PCSK6: variants seen among roughly 807,000 people sequenced by gnomAD.
PCSK6 encodes proprotein convertase subtilisin/kexin type 6, also known as paired basic amino acid cleaving enzyme 4.
A neutral mutation model predicts 123.3 loss-of-function variants in PCSK6; 85 were observed. The observed-to-expected ratio is 0.69, with a 90% CI of 0.58 to 0.83. The LOEUF (loss-of-function observed/expected upper bound fraction) is 0.83. Among genes scored for constraint, PCSK6 ranks in the 40% least tolerant of loss-of-function variants. The pLI, the probability that PCSK6 is intolerant of heterozygous loss-of-function variation, is 0.00. For synonymous variants in PCSK6, 508 were observed against 516.0 expected, an observed-to-expected ratio of 0.98 and a Z score of 0.21; for missense variants, 1,191 against 1,282.3, an observed-to-expected ratio of 0.93 and a Z score of 1.09.
At chr15:101,309,884 C>A (rs562868027) in intron 20 of PCSK6, among the ~76,000 whole-genome samples, 2 of 151,918 alleles carry the variant, frequency 1.3e-5, no homozygotes, top group African/African-American at 2.4e-5. Flanking sequence ...CGTCGGGCCT[C>A]GGCCCCTCTC....
chr15:101,467,843 G>A (rs907273975), intron 1 of PCSK6, among the ~76,000 whole-genome samples: 14 of 152,106 alleles, frequency 9.2e-5, no homozygotes, highest in African/African-American at 1.4e-4. Context: ...GCACATCTAC[G>A]CCGGAGATAC....
chr15:101,476,574 AAAC>A (rs1424208894), intron 1 of PCSK6, among the ~76,000 whole-genome samples: 1 of 151,948 alleles, frequency 6.6e-6, no homozygotes, highest in Non-Finnish European at 1.5e-5. Flanking sequence ...AAAAAAAAAA[AAAC>A]AACAAAAATT....
intron 1 of PCSK6, among the ~76,000 whole-genome samples, chr15:101,443,929 C>A (rs981638648): frequency 6.6e-6 from 1 of 152,202 alleles, no homozygotes; most frequent in Admixed American, 6.5e-5. Flanking sequence ...AAATTAACAT[C>A]ATTTAAAGTT....
At chr15:101,370,915 G>A (rs1210650257) in intron 11 of PCSK6, among the ~76,000 whole-genome samples, 2 of 152,188 alleles carry the variant, frequency 1.3e-5, no homozygotes, top group Non-Finnish European at 2.9e-5. Flanking sequence ...TCTGGACGAT[G>A]GCCCTGTCTG....
intron 18 of PCSK6, among the ~76,000 whole-genome samples, chr15:101,318,654 G>A (rs1194474268): frequency 2.6e-5 from 4 of 152,208 alleles, no homozygotes; most frequent in Non-Finnish European, 5.9e-5. Context: ...GGCAGCAGGC[G>A]CCAGGCTCCG....
chr15:101,410,784 C>T (rs1371142769), intron 6 of PCSK6, among the ~76,000 whole-genome samples: 8 of 152,220 alleles, frequency 5.3e-5, no homozygotes, highest in Admixed American at 2.0e-4. Context: ...CAAGCCTCTG[C>T]GCTGCCTCTT....
At chr15:101,373,983 G>A (rs1189630842) in intron 11 of PCSK6, among the ~76,000 whole-genome samples, 1 of 152,214 alleles carries the variant, frequency 6.6e-6, no homozygotes, top group African/African-American at 2.4e-5. Context: ...TGTACATAAA[G>A]CCATCTTCCG....
chr15:101,451,045 A>C (rs1342276428), intron 1 of PCSK6, among the ~76,000 whole-genome samples: 1 of 151,248 alleles, frequency 6.6e-6, no homozygotes, highest in African/African-American at 2.4e-5. Context: ...CACGAGGGGA[A>C]AGGCCTGGCT....
intron 1 of PCSK6, among the ~76,000 whole-genome samples, chr15:101,473,549 T>A (rs2057655645): frequency 6.6e-6 from 1 of 152,146 alleles, no homozygotes; most frequent in Non-Finnish European, 1.5e-5. Flanking sequence ...TCCTAGAAAG[T>A]ACTAATGAGT....
In PCSK6 at chr15:101,367,971, C is replaced by T. The variant is rs1429535042; in HGVS notation, c.1722-1639G>A. Among the ~76,000 whole-genome samples the T allele has an allele frequency of 3.3e-5, 5 of 152,184 alleles. No individual in the cohort carries two copies. In the East Asian group the frequency reaches 5.8e-4, roughly 18 times the overall value. Reference sequence around the variant, plus strand: ...TCCCAAGTAGCTGGGATCACAGGTGCGTGCCACCACGCCCAGCTAATTTTT... The same window carrying T: ...TCCCAAGTAGCTGGGATCACAGGTGTGTGCCACCACGCCCAGCTAATTTTT... On this transcript the variant is annotated intron_variant, in intron 12 of 21. Coordinates refer to ENST00000611716, the MANE Select transcript of PCSK6 (RefSeq NM_002570.5).
intron 11 of PCSK6, among the ~76,000 whole-genome samples, chr15:101,371,717 A>G (rs544668273): frequency 6.6e-6 from 1 of 151,418 alleles, no homozygotes; most frequent in Admixed American, 6.6e-5. Flanking sequence ...TCCAGGCCTC[A>G]CTGCCTCCGC....
intron 13 of PCSK6, chr15:101,346,740 A>G (rs1018099463): frequency 7.3e-6 from 9 of 1,226,184 alleles, no homozygotes; most frequent in Non-Finnish European, 9.1e-6. Context: ...TTTCATTTTC[A>G]TCAATGTTTA....
chr15:101,397,198 A>G (rs2042438751), intron 7 of PCSK6, among the ~76,000 whole-genome samples: 1 of 152,136 alleles, frequency 6.6e-6, no homozygotes, highest in Admixed American at 6.5e-5. Context: ...GAGGAAATTA[A>G]CAGATGGTGA....
rs1271605361 is a variant in PCSK6, at chr15:101,489,493, C to T, written c.178G>A (p.Ala60Thr). ...GGGCGCGGCGGGGGCGCGGAGCAGGCGGCAGGCAGCGCCAGCAGCAGCAGC... is the reference window on the plus strand; with the variant it reads ...GGGCGCGGCGGGGGCGCGGAGCAGGTGGCAGGCAGCGCCAGCAGCAGCAGC... ...RWLLLLALPA[A>T]CSAPPPRPVY... is the part of the protein sequence containing the mutation. Residue 60 changes from alanine to threonine, a missense_variant, in exon 1 of 22, where the codon GCC (alanine) becomes ACC (threonine). Ala to Thr is a moderately conservative substitution (Grantham distance 58). Around this residue, in one of 3 missense-constraint regions of PCSK6, gnomAD observed 204 missense variants for 166.4 expected, o/e 1.23. Transcript: ENST00000611716. The T allele has an allele frequency of 3.8e-6, 4 of 1,063,404 alleles. No individual in the cohort carries two copies. The highest frequency in any genetic ancestry group is 3.4e-6 in the Non-Finnish European group (3 of 881,798). The allele number at this position is 1,063,404 out of a possible 1,614,324, so 65.9% of individuals were successfully genotyped here. A position where few individuals can be genotyped will look rare whatever the true frequency, so the allele number is the denominator to read the frequency against.
intron 1 of PCSK6, among the ~76,000 whole-genome samples, chr15:101,454,541 C>T (rs907705588): frequency 3.3e-5 from 5 of 152,274 alleles, no homozygotes; most frequent in Admixed American, 2.0e-4. Context: ...GAATACTGAA[C>T]GATTCTCCCT....
chr15:101,469,079 C>T (rs746818485), intron 1 of PCSK6, among the ~76,000 whole-genome samples: 19 of 152,058 alleles, frequency 1.2e-4, no homozygotes, highest in Non-Finnish European at 2.9e-5. Context: ...ACTACTAGAT[C>T]AAAATAGCGC....
In PCSK6 at chr15:101,370,422, C is replaced by A; in HGVS notation, c.1634G>T (p.Arg545Leu). 6.4e-7 allele frequency: 1 copy of A among 1,552,142 alleles called. No homozygotes were observed. Among genetic ancestry groups the A allele is most frequent in the Non-Finnish European group, 8.7e-7 (1 of 1,147,282 alleles). Residue 545 changes from arginine to leucine, a missense_variant, in exon 12 of 22, where the codon CGC (arginine) becomes CTC (leucine). Physicochemically the swap from Arg to Leu is moderately radical, Grantham distance 102 (BLOSUM62 -2). Around this residue, in one of 3 missense-constraint regions of PCSK6, gnomAD observed 630 missense variants for 631.4 expected, o/e 1.00. Transcript: ENST00000611716. ...TCGGCGTGGGTGTGAGATGGAGGTG[C>A]GAACCACCACGTGCTCCAAGTAGAC... ...RVVYLEHVVVRTSISHPRRGD... is the reference protein window; with the variant it reads ...RVVYLEHVVVLTSISHPRRGD...
At chr15:101,474,409 C>G (rs533580430) in intron 1 of PCSK6, among the ~76,000 whole-genome samples, 1 of 152,222 alleles carries the variant, frequency 6.6e-6, no homozygotes, top group African/African-American at 2.4e-5. Context: ...AAAACTGGCG[C>G]CACGGCGGTG....
chr15:101,386,910 G>T (rs969160707), intron 9 of PCSK6, among the ~76,000 whole-genome samples: 6 of 152,180 alleles, frequency 3.9e-5, no homozygotes, highest in African/African-American at 1.4e-4. Flanking sequence ...GCGCTACACT[G>T]TTTTGTATGG....
Sources: gnomAD v4.1 joint callset for allele counts (sites outside exome capture counted in the v4.1 genomes callset) on GRCh38, gnomAD v4.1.1 for gene constraint, gnomAD v4.1.1 regional missense constraint, MANE v1.5 for transcripts, NCBI Gene and HGNC (gene_info 2026-07-23, HGNC 2026-07-21) for gene names.